MCPH1: variants seen among roughly 807,000 people sequenced by gnomAD.
MCPH1 encodes microcephalin.
MCPH1 carries 104 observed loss-of-function variants against 84.5 expected under a neutral mutation model. The ratio of observed to expected loss-of-function variants is 1.23; its 90% CI spans 1.05 to 1.45. The LOEUF (loss-of-function observed/expected upper bound fraction) is 1.45. Among genes scored for constraint, MCPH1 ranks in the 40% most tolerant of loss-of-function variants. The pLI, the probability that MCPH1 is intolerant of heterozygous loss-of-function variation, is 0.00. For synonymous variants in MCPH1, 514 were observed against 366.8 expected (o/e 1.40, Z -4.58); for missense variants, 1,498 against 1,005.7 (o/e 1.49, Z -6.62).
Position 6,625,127 on chromosome 8 carries a change from G to T in MCPH1, c.2452+3436G>T, listed in dbSNP as rs146312653. On this transcript the variant is annotated intron_variant, in intron 13 of 13. Transcript: ENST00000344683. ...CAACCTCAAGTGATCCTCCTGCCTC[G>T]GCCTCCCAAAGTGCTGGGATTACAG... The T allele has an allele frequency of 2.1e-3, 1,931 of 916,386 alleles. 28 individuals are homozygous for T. The African/African-American group carries it at 0.032, about 15-fold the overall frequency. The allele number at this position is 916,386 out of a possible 1,614,324, so 56.8% of individuals were successfully genotyped here.
intron 12 of MCPH1, chr8:6,619,297 A>G (rs1831170708): frequency 6.6e-6 from 1 of 152,240 alleles, no homozygotes; most frequent in Non-Finnish European, 1.5e-5. Flanking sequence ...CAAATACTTT[A>G]TTTTATTGTT....
At chr8:6,551,154 A>G (rs925130262) in intron 12 of MCPH1, among the ~76,000 whole-genome samples, 1 of 152,196 alleles carries the variant, frequency 6.6e-6, no homozygotes, top group South Asian at 2.1e-4. Context: ...ATGCTGACTT[A>G]GGATTTTAAA....
intron 11 of MCPH1, among the ~76,000 whole-genome samples, chr8:6,485,558 T>C (rs1266491642): frequency 6.6e-6 from 1 of 151,936 alleles, no homozygotes; most frequent in African/African-American, 2.4e-5. Context: ...TTTAAAAACA[T>C]AACTTTCTCT....
chr8:6,604,168 C>T (rs1829578422), intron 12 of MCPH1, among the ~76,000 whole-genome samples: 1 of 145,876 alleles, frequency 6.9e-6, no homozygotes, highest in South Asian at 2.4e-4. Flanking sequence ...CTGTCATAGG[C>T]CGCAGCCAAG....
chr8:6,474,818 G>T (rs949438285), intron 9 of MCPH1, among the ~76,000 whole-genome samples: 1 of 152,146 alleles, frequency 6.6e-6, no homozygotes, highest in African/African-American at 2.4e-5. Context: ...TGGTGACATA[G>T]CGAGAGACCC....
intron 12 of MCPH1, among the ~76,000 whole-genome samples, chr8:6,535,729 G>A (rs947961667): frequency 6.6e-6 from 1 of 152,128 alleles, no homozygotes; most frequent in Non-Finnish European, 1.5e-5. Flanking sequence ...AAAATGTGCA[G>A]TAGTAGATAT....
chr8:6,458,763 G>A (rs1805966477), intron 9 of MCPH1, among the ~76,000 whole-genome samples: 2 of 152,042 alleles, frequency 1.3e-5, no homozygotes, highest in South Asian at 2.1e-4. Flanking sequence ...TCCTGCCCCA[G>A]CCTCCTTAGT....
At chr8:6,545,360 T>C (rs1025707881) in intron 12 of MCPH1, among the ~76,000 whole-genome samples, 18 of 152,214 alleles carry the variant, frequency 1.2e-4, no homozygotes, top group South Asian at 4.1e-4. Flanking sequence ...ATCTCAAAAA[T>C]TCTTTTAAAA....
At chr8:6,437,004 T>G (rs1300680837) in intron 5 of MCPH1, among the ~76,000 whole-genome samples, 2 of 152,170 alleles carry the variant, frequency 1.3e-5, no homozygotes, top group East Asian at 3.9e-4. Context: ...ATTAAGATGC[T>G]TTGTACGTTT....
intron 13 of MCPH1, among the ~76,000 whole-genome samples, chr8:6,624,365 G>C (rs576166896): frequency 3.0e-4 from 46 of 152,310 alleles, no homozygotes; most frequent in Admixed American, 5.9e-4. Flanking sequence ...ATGTGAGACA[G>C]GTCCCCTCAC....
At chr8:6,428,903 G>A (rs953319603) in intron 3 of MCPH1, among the ~76,000 whole-genome samples, 2 of 78,754 alleles carry the variant, frequency 2.5e-5, no homozygotes, top group Non-Finnish European at 3.5e-5. Flanking sequence ...GCTGTTCGGT[G>A]ACCTCCATAT....
intron 12 of MCPH1, among the ~76,000 whole-genome samples, chr8:6,608,147 G>C (rs1424778428): frequency 6.6e-6 from 1 of 152,184 alleles, no homozygotes; most frequent in Non-Finnish European, 1.5e-5. Flanking sequence ...AGACAGAGCT[G>C]ACTCACGTGC....
chr8:6,459,571 C>G (rs1006581797), intron 9 of MCPH1, among the ~76,000 whole-genome samples: 2 of 152,190 alleles, frequency 1.3e-5, no homozygotes, highest in Non-Finnish European at 2.9e-5. Context: ...CTTTCACCAG[C>G]TAATGACTGA....
At chr8:6,588,328 C>G (rs1828157596) in intron 12 of MCPH1, among the ~76,000 whole-genome samples, 1 of 143,840 alleles carries the variant, frequency 7.0e-6, no homozygotes, top group South Asian at 2.3e-4. Context: ...AAGAACTATA[C>G]ATTCACTTAA....
Position 6,622,137 on chromosome 8 carries a change from G to A in MCPH1, c.2452+446G>A, listed in dbSNP as rs79123647. ...CCCAGGTACATCTCATGATCACTCC[G>A]TCTGCTCATGTGCTCAAAGGGTGTT... On this transcript the variant is annotated intron_variant, in intron 13 of 13. Coordinates refer to ENST00000344683, the MANE Select transcript of MCPH1 (RefSeq NM_024596.5). The A allele has an allele frequency of 3.4e-3, 904 of 268,286 alleles. 9 individuals carry two copies. The highest frequency in any genetic ancestry group is 0.018 in the African/African-American group (828 of 45,766). The allele number at this position is 268,286 out of a possible 1,614,324, so 16.6% of individuals were successfully genotyped here. A position where few individuals can be genotyped will look rare whatever the true frequency, so the allele number is the denominator to read the frequency against.
intron 3 of MCPH1, among the ~76,000 whole-genome samples, chr8:6,423,222 C>T (rs1253677479): frequency 7.2e-6 from 1 of 138,044 alleles, no homozygotes; most frequent in Non-Finnish European, 1.5e-5. Flanking sequence ...CTGAGTCTCG[C>T]TCTGTCGCCC....
intron 12 of MCPH1, among the ~76,000 whole-genome samples, chr8:6,610,825 T>G (rs1054778148): frequency 2.6e-5 from 4 of 151,510 alleles, no homozygotes; most frequent in African/African-American, 9.8e-5. Context: ...CATAAGACGC[T>G]GATTTTTCTT....
intron 12 of MCPH1, among the ~76,000 whole-genome samples, chr8:6,608,876 T>G (rs1427730981): frequency 6.6e-6 from 1 of 152,112 alleles, no homozygotes; most frequent in African/African-American, 2.4e-5. Context: ...CCACCCTCCA[T>G]CCCGTGTTCT....
chr8:6,515,817 G>C (rs560564621), intron 12 of MCPH1, among the ~76,000 whole-genome samples: 81 of 152,324 alleles, frequency 5.3e-4, no homozygotes, highest in Non-Finnish European at 4.9e-4. Context: ...CGATTTGGCA[G>C]GGTAAGCTTC....
Sources: allele counts gnomAD v4.1 joint callset (sites outside exome capture counted in the v4.1 genomes callset), GRCh38; gene constraint gnomAD v4.1.1; transcripts MANE v1.5; gene names NCBI Gene and HGNC (gene_info 2026-07-23, HGNC 2026-07-21).